The following NR2C1 variants were observed in gnomAD, a reference collection of about 807,000 sequenced individuals.
The protein encoded by NR2C1 is TR2 nuclear hormone receptor.
A neutral mutation model predicts 74.8 loss-of-function variants in NR2C1; 33 were observed. That is an observed-to-expected ratio of 0.44 (90% CI 0.33 to 0.59). The LOEUF is 0.59. Among genes scored for constraint, NR2C1 ranks in the 20% least tolerant of loss-of-function variants. The pLI, the probability that NR2C1 is intolerant of heterozygous loss-of-function variation, is 0.02. For missense variants in NR2C1, 568 were observed against 715.6 expected, an observed-to-expected ratio of 0.79 and a Z score of 2.35; for synonymous variants, 225 against 240.6, an observed-to-expected ratio of 0.94 and a Z score of 0.60.
intron 10 of NR2C1, among the ~76,000 whole-genome samples, chr12:95,039,904 T>C (rs1037963846): frequency 1.3e-5 from 2 of 152,196 alleles, no homozygotes; most frequent in African/African-American, 4.8e-5. Flanking sequence ...CCTCCCAAAA[T>C]GCTGGGATTA....
intron 10 of NR2C1, among the ~76,000 whole-genome samples, chr12:95,033,073 G>A (rs1470041641): frequency 1.3e-5 from 2 of 151,732 alleles, no homozygotes; most frequent in East Asian, 3.9e-4. Context: ...AGTTTGAAGG[G>A]GTAGCACACC....
At chr12:95,030,858 G>A (rs761051055) in intron 11 of NR2C1, 144 of 1,613,048 alleles carry the variant, frequency 8.9e-5, no homozygotes, top group Non-Finnish European at 9.9e-5. Context: ...AATGAGGGCT[G>A]CAATTACCTT....
intron 10 of NR2C1, among the ~76,000 whole-genome samples, chr12:95,031,948 A>C (rs1870170181): frequency 6.6e-6 from 1 of 152,048 alleles, no homozygotes; most frequent in Non-Finnish European, 1.5e-5. Flanking sequence ...GCTCACTGCA[A>C]CCTCCACCTC....
At chr12:95,049,747 T>C (rs1872739328) in intron 8 of NR2C1, among the ~76,000 whole-genome samples, 1 of 152,220 alleles carries the variant, frequency 6.6e-6, no homozygotes, top group African/African-American at 2.4e-5. Context: ...AACTTTATTA[T>C]ACACAGTACA....
chr12:95,050,065 T>G (rs1872774819), intron 8 of NR2C1, among the ~76,000 whole-genome samples: 1 of 152,156 alleles, frequency 6.6e-6, no homozygotes, highest in Non-Finnish European at 1.5e-5. Flanking sequence ...CCTCCCAAAG[T>G]GCTGAGATTA....
intron 13 of NR2C1, among the ~76,000 whole-genome samples, chr12:95,023,544 T>C (rs1190193395): frequency 6.6e-6 from 1 of 152,236 alleles, no homozygotes; most frequent in East Asian, 1.9e-4. Flanking sequence ...GAATGTGGAA[T>C]CAAGACCGCT....
intron 2 of NR2C1, among the ~76,000 whole-genome samples, chr12:95,065,953 A>G (rs943401937): frequency 6.6e-6 from 1 of 151,904 alleles, no homozygotes; most frequent in Non-Finnish European, 1.5e-5. Context: ...TTGTCTCAAA[A>G]AAAAAAAAAA....
chr12:95,040,402 A>G, intron 10 of NR2C1, 74 bp downstream of exon 10: 1 of 1,428,756 alleles, frequency 7.0e-7, no homozygotes, highest in Admixed American at 2.2e-5. Context: ...AAATCTTCCC[A>G]AAATAAAAAG....
chr12:95,062,431 G>T (rs1345377958), intron 3 of NR2C1, 77 bp downstream of exon 3: 2 of 932,242 alleles, frequency 2.1e-6, no homozygotes, highest in African/African-American at 3.4e-5. Flanking sequence ...TAGATCTAAA[G>T]TCTTCATGGC....
rs568422570 is a variant in NR2C1, at chr12:95,032,008, C to T, written c.1254-520G>A. On this transcript the variant is annotated intron_variant, in intron 10 of 13. Transcript: ENST00000333003. ...TCAGCCTCCTCAGTAGCTGGGATTA[C>T]AGGCATGCACCACCACATGTGGCTA... Among the ~76,000 whole-genome samples, 8 of 152,258 alleles carry T rather than the reference C, an allele frequency of 5.3e-5. No homozygotes were observed. In the South Asian group the frequency reaches 1.0e-3, roughly 20 times the overall value.
intron 1 of NR2C1, among the ~76,000 whole-genome samples, chr12:95,069,913 T>A (rs1018329957): frequency 5.3e-5 from 8 of 152,130 alleles, no homozygotes; most frequent in African/African-American, 1.9e-4. Flanking sequence ...GTCCCTGATG[T>A]CTTCCAGGAT....
intron 13 of NR2C1, among the ~76,000 whole-genome samples, chr12:95,023,135 A>T (rs1239174818): frequency 3.3e-5 from 5 of 151,754 alleles, no homozygotes; most frequent in Non-Finnish European, 7.4e-5. Context: ...CTACTAAAAA[A>T]AATAATAATA....
chr12:95,028,284 G>C, intron 12 of NR2C1, 103 bp downstream of exon 12: 1 of 890,786 alleles, frequency 1.1e-6, no homozygotes. Flanking sequence ...TCTTTTCCCA[G>C]GTAACTGCAC....
At chr12:95,057,531 C>A (rs1409882558) in intron 7 of NR2C1, 22 bp downstream of exon 7, 2 of 1,525,010 alleles carry the variant, frequency 1.3e-6, no homozygotes, top group Non-Finnish European at 1.8e-6. Flanking sequence ...ATTATCTAAG[C>A]TTTAAATTGT....
chr12:95,031,629 G>T, intron 10 of NR2C1, 141 bp from the exon 11 acceptor site: 1 of 552,916 alleles, frequency 1.8e-6, no homozygotes, highest in Non-Finnish European at 2.8e-6. Flanking sequence ...TCTGTGTTTT[G>T]TATAGCTGAT....
chr12:95,046,608 A>T (rs1054914533), intron 9 of NR2C1, among the ~76,000 whole-genome samples: 2 of 152,202 alleles, frequency 1.3e-5, no homozygotes, highest in Admixed American at 1.3e-4. Context: ...AAAATTAAAA[A>T]TTCTAACCTC....
chr12:95,037,910 A>G (rs1416070612), intron 10 of NR2C1, among the ~76,000 whole-genome samples: 1 of 151,676 alleles, frequency 6.6e-6, no homozygotes, highest in Non-Finnish European at 1.5e-5. Flanking sequence ...AAAAAAAAAA[A>G]AAAAAGGAAC....
rs377639204 is a variant in NR2C1, at chr12:95,059,898, A to C, written c.364+8T>G. The C allele has an allele frequency of 1.1e-4, 175 of 1,572,240 alleles. No individual in the cohort carries two copies. Among genetic ancestry groups the C allele is most frequent in the African/African-American group, 2.8e-5 (2 of 72,020 alleles). On this transcript the variant is annotated splice_region_variant and intron_variant, in intron 4 of 13. Coordinates refer to ENST00000333003, the MANE Select transcript of NR2C1 (RefSeq NM_003297.4). ...TTTCTGTTTTTAGGAGGTTATTCTT[A>C]ATGTTACCTGATGCTTTGTCTCCAC...
chr12:95,036,956 T>C (rs775341341), intron 10 of NR2C1, among the ~76,000 whole-genome samples: 3 of 152,354 alleles, frequency 2.0e-5, no homozygotes, highest in Middle Eastern at 3.4e-3. Flanking sequence ...GTATCAGTGA[T>C]AGTCAAAATG....
Sources: gnomAD v4.1 joint callset for allele counts (sites outside exome capture counted in the v4.1 genomes callset) on GRCh38, gnomAD v4.1.1 for gene constraint, MANE v1.5 for transcripts, NCBI Gene and HGNC (gene_info 2026-07-23, HGNC 2026-07-21) for gene names.